The following MYH2 variants were observed in gnomAD, a reference collection of about 807,000 sequenced individuals.
MYH2 encodes the protein myosin heavy chain 2.
A neutral mutation model predicts 228.1 loss-of-function variants in MYH2; 139 were observed. That is an observed-to-expected ratio of 0.61 (90% CI 0.53 to 0.70). The LOEUF (loss-of-function observed/expected upper bound fraction) is 0.70. Ranked by LOEUF, MYH2 falls within the 30% of genes least tolerant of loss-of-function variation. The pLI is 0.00. For missense variants in MYH2, 1,809 were observed against 2,357.5 expected (o/e 0.77, Z 4.82); for synonymous variants, 796 against 871.1 (o/e 0.91, Z 1.52).
At position 10,535,090 on chromosome 17, in the gene MYH2, A is replaced by C; in HGVS notation, c.2163T>G (p.Tyr721Ter). 1 of 1,614,176 alleles carries C rather than the reference A, an allele frequency of 6.2e-7. No homozygotes were observed. Among genetic ancestry groups the C allele is most frequent in the South Asian group, 1.1e-5 (1 of 91,086 alleles). ...AAACTGACCTCTGTTTGAAGTCTGC[A>C]TAAAGGATTCTGCTTGGAAATCCTT... ...CRKGFPSRIL[Y>*]ADFKQRYKVL... The change falls in exon 19 of 40, where the codon TAT (tyrosine) becomes TAG (stop). Residue 721 changes from tyrosine to a stop codon, truncating the protein, a stop_gained. Transcript: ENST00000245503. LOFTEE classifies it high-confidence loss of function.
intron 29 of MYH2, 29 bp from the exon 30 acceptor site, chr17:10,526,824 C>G: frequency 2.5e-6 from 4 of 1,614,218 alleles, no homozygotes; most frequent in African/African-American, 1.3e-5. Context: ...CTTCATTTTA[C>G]TGGATATTTA....
chr17:10,527,983 T>A, intron 27 of MYH2, 109 bp from the exon 28 acceptor site: 1 of 1,337,724 alleles, frequency 7.5e-7, no homozygotes, highest in Non-Finnish European at 1.0e-6. Flanking sequence ...ATATTTATCT[T>A]AATATAGAAA....
chr17:10,530,178 A>C (rs1440930125), intron 22 of MYH2, 104 bp from the exon 23 acceptor site: 7 of 1,595,012 alleles, frequency 4.4e-6, no homozygotes, highest in Non-Finnish European at 6.0e-6. Context: ...TCCTATATTC[A>C]TTTGTTTACT....
intron 2 of MYH2, among the ~76,000 whole-genome samples, chr17:10,548,195 G>A (rs897838184): frequency 2.0e-5 from 3 of 152,108 alleles, no homozygotes; most frequent in African/African-American, 7.2e-5. Flanking sequence ...ATTCTCATTG[G>A]GAACTGAATT....
chr17:10,533,175 C>T, intron 21 of MYH2, 110 bp downstream of exon 21: 3 of 1,493,398 alleles, frequency 2.0e-6, no homozygotes, highest in Non-Finnish European at 2.8e-6. Context: ...CATTATAGGA[C>T]TCTTATTCAT....
intron 2 of MYH2, 128 bp from the exon 3 acceptor site, chr17:10,548,068 A>G (rs988381215): frequency 7.6e-6 from 6 of 789,116 alleles, no homozygotes; most frequent in Admixed American, 4.6e-5. Flanking sequence ...TCACCATACT[A>G]TAGTTACTGA....
At position 10,526,599 on chromosome 17, in the gene MYH2, T is replaced by A; in HGVS notation, c.4187A>T (p.Lys1396Met). The A allele has an allele frequency of 6.2e-7, 1 of 1,614,030 alleles. No homozygotes were observed. The highest frequency in any genetic ancestry group is 8.5e-7 in the Non-Finnish European group (1 of 1,179,868). The change falls in exon 30 of 40, where the codon AAG (lysine) becomes ATG (methionine). Residue 1396 changes from lysine (K) to methionine (M), a missense_variant and splice_region_variant. By Grantham distance (95) the Lys-to-Met change is moderately conservative (BLOSUM62 -1). This residue lies in a region of MYH2 where 636 missense variants were observed against 729.9 expected (regional missense o/e 0.87). Transcript: ENST00000245503. ...CATTCTCTCATATCTGTGCACATAC[T>A]TGGCCTCCTCCAGCTCCTCTGTGCG... The part of the protein sequence containing the change: ...IQRTEELEEA[K>M]KKLAQRLQAA...
At chr17:10,538,483 A>G (rs887256097) in intron 14 of MYH2, among the ~76,000 whole-genome samples, 1 of 152,058 alleles carries the variant, frequency 6.6e-6, no homozygotes, top group Non-Finnish European at 1.5e-5. Flanking sequence ...CTACTAAAAA[A>G]AATACAAAAA....
intron 39 of MYH2, 122 bp from the exon 40 acceptor site, chr17:10,521,554 T>G (rs2073284681): frequency 2.4e-6 from 2 of 839,136 alleles, no homozygotes. Context: ...TCATTGAAAT[T>G]AATTTTAAGA....
Position 10,521,228 on chromosome 17 carries a change from A to C in MYH2, c.*52T>G. On this transcript the variant is annotated 3_prime_UTR_variant, in exon 40 of 40. Coordinates refer to ENST00000245503, the MANE Select transcript of MYH2 (RefSeq NM_017534.6). ...AATAATTACAGAGGGAAATGACCAA[A>C]GATGTCACATTTTGTGCCTGTCTTC... 6.3e-7 allele frequency: 1 copy of C among 1,599,384 alleles called. No homozygotes were observed. The highest frequency in any genetic ancestry group is 8.6e-7 in the Non-Finnish European group (1 of 1,168,320).
At position 10,523,807 on chromosome 17, in the gene MYH2, G is replaced by T; in HGVS notation, c.5253C>A (p.Leu1751=). The change falls in exon 36 of 40, where the codon CTC becomes CTA. Residue 1751 remains leucine (L), a synonymous_variant. Transcript: ENST00000245503. ...TTTCTTCTGCATTGCGGGCTTCCTG[G>T]AGAATGTCCTCCATCTCTCCTTGCA... ...SQMQGEMEDI[L]QEARNAEEKA... is the part of the protein sequence containing the mutation. 1 of 1,614,166 alleles carries T rather than the reference G, an allele frequency of 6.2e-7. No homozygotes were observed. The highest frequency in any genetic ancestry group is 8.5e-7 in the Non-Finnish European group (1 of 1,180,048).
intron 16 of MYH2, among the ~76,000 whole-genome samples, 153 bp from the exon 17 acceptor site, chr17:10,536,759 T>C (rs934211832): frequency 6.6e-6 from 1 of 152,206 alleles, no homozygotes; most frequent in African/African-American, 2.4e-5. Context: ...TCAACTAAGT[T>C]TGCAGCCACT....
intron 19 of MYH2, 118 bp from the exon 20 acceptor site, chr17:10,533,750 A>C (rs2073452045): frequency 1.5e-6 from 2 of 1,354,932 alleles, no homozygotes; most frequent in Non-Finnish European, 2.0e-6. Flanking sequence ...CTTTGTTCAC[A>C]AGGAGAACAT....
chr17:10,530,313 C>A (rs1041508893), intron 22 of MYH2, among the ~76,000 whole-genome samples: 5 of 152,204 alleles, frequency 3.3e-5, no homozygotes, highest in African/African-American at 1.2e-4. Flanking sequence ...GATTAGAAAA[C>A]CTATTTCCCA....
rs773817105 is a variant in MYH2 at position 10,523,925 on chromosome 17, CA to C, written c.5176-42del. On this transcript the variant is annotated intron_variant, in intron 35 of 39. Coordinates refer to ENST00000245503, the MANE Select transcript of MYH2 (RefSeq NM_017534.6). The stretch of plus-strand genomic sequence containing the variant: ...TTGTACATTTAAAAAATTGTGTTAC[CA>C]AAGTATTTATTGGTAACCACTTCTT... 61 of 1,597,632 alleles carry C rather than the reference CA, an allele frequency of 3.8e-5. No homozygotes were observed. In the African/African-American group the frequency reaches 7.4e-4, roughly 19 times the overall value.
In MYH2 at chr17:10,537,653, T is replaced by A. The variant is rs751044161; in HGVS notation, c.1587+12A>T. ...TTGCCGCAAAATATGGTTTCAGAAA[T>A]GCAAAACCAACCTTCTCGATGAGCT... On this transcript the variant is annotated intron_variant, in intron 15 of 39. Transcript: ENST00000245503. This position sits in a 1 kb window ranked among gnomAD's most constrained non-coding sequence, Gnocchi z 4.0. The A allele has an allele frequency of 1.2e-6, 2 of 1,614,154 alleles. No homozygotes were observed. Among genetic ancestry groups the A allele is most frequent in the Non-Finnish European group, 1.7e-6 (2 of 1,180,024 alleles).
Position 10,521,326 on chromosome 17 carries a change from C to T in MYH2, c.5780G>A (p.Arg1927Gln), listed in dbSNP as rs34161789. The T allele has an allele frequency of 6.3e-3, 10,100 of 1,614,124 alleles. 52 individuals are homozygous for T. Among genetic ancestry groups the T allele is most frequent in the Non-Finnish European group, 7.5e-3 (8,865 of 1,180,014 alleles). Residue 1927 changes from arginine to glutamine, a missense_variant, in exon 40 of 40, where the codon CGG (arginine) becomes CAG (glutamine). Transcript: ENST00000245503. ...TGTGTGAACCTCCCGGCTCTTCACC[C>T]GCAGTTTGTTCACCTGGGACTCAGC... The part of the protein sequence containing the change: ...DIAESQVNKL[R>Q]VKSREVHTKV...
In MYH2 at chr17:10,525,764, G is replaced by A. The variant is rs779958975; in HGVS notation, c.4300C>T (p.Leu1434Phe). The A allele has an allele frequency of 1.2e-6, 2 of 1,614,092 alleles. No individual in the cohort carries two copies. The highest frequency in any genetic ancestry group is 1.7e-6 in the Non-Finnish European group (2 of 1,180,050). Residue 1434 changes from leucine to phenylalanine, a missense_variant, in exon 31 of 40, where the codon CTC becomes TTC. Leu to Phe is a conservative substitution (Grantham distance 22). Transcript: ENST00000245503. The surrounding 1 kb of genome is among the most constrained non-coding windows in gnomAD (Gnocchi z 4.2). ...KQRLQNEVED[L>F]MLDVERTNAA... ...TTTGTCCTCTCCACATCAAGCATGAGGTCCTCGACCTCATTCTGCAGCCGC... is the reference window on the plus strand; with the variant it reads ...TTTGTCCTCTCCACATCAAGCATGAAGTCCTCGACCTCATTCTGCAGCCGC...
At chr17:10,545,011 A>ATG (rs774125221) in intron 5 of MYH2, among the ~76,000 whole-genome samples, 188 of 112,100 alleles carry the variant, frequency 1.7e-3, no homozygotes, top group Middle Eastern at 9.3e-3. Flanking sequence ...TTGTGCGTGC[A>ATG]TGAGTGTGTG....
Sources: allele counts gnomAD v4.1 joint callset (sites outside exome capture counted in the v4.1 genomes callset), GRCh38; gene constraint gnomAD v4.1.1; regional missense constraint gnomAD v4.1.1; non-coding constraint Gnocchi (gnomAD v3.1); transcripts MANE v1.5; gene names NCBI Gene and HGNC (gene_info 2026-07-23, HGNC 2026-07-21).